Variants in SLC25A21 observed in about 807,000 individuals in gnomAD.
The protein encoded by SLC25A21 is mitochondrial 2-oxodicarboxylate carrier.
Under a neutral mutation model 43.8 loss-of-function variants are expected in SLC25A21, and 47 were observed. That is an observed-to-expected ratio of 1.07 (90% CI 0.85 to 1.37). SLC25A21 has a LOEUF of 1.37. SLC25A21 is among the 40% of genes most tolerant of loss of function. The pLI is 0.00. For missense variants in SLC25A21, 352 were observed against 350.2 expected, an observed-to-expected ratio of 1.00 and a Z score of -0.04; for synonymous variants, 131 against 121.3, an observed-to-expected ratio of 1.08 and a Z score of -0.52.
At chr14:36,903,536 C>T (rs1350608673) in intron 1 of SLC25A21, among the ~76,000 whole-genome samples, 1 of 138,080 alleles carries the variant, frequency 7.2e-6, no homozygotes, top group African/African-American at 2.7e-5. Flanking sequence ...TCGCTTGAAC[C>T]CAGGAGGTGG....
At chr14:36,903,813 C>A (rs1436261845) in intron 1 of SLC25A21, among the ~76,000 whole-genome samples, 1 of 152,064 alleles carries the variant, frequency 6.6e-6, no homozygotes, top group Non-Finnish European at 1.5e-5. Context: ...GAAGCCAGCT[C>A]CCTTGCTTCC....
chr14:36,971,006 A>G (rs1959736823), intron 1 of SLC25A21, among the ~76,000 whole-genome samples: 1 of 152,138 alleles, frequency 6.6e-6, no homozygotes, highest in Non-Finnish European at 1.5e-5. Context: ...GCTCATAGGG[A>G]CTCAAAGATT....
At chr14:36,681,050 G>T (rs979110302) in intron 9 of SLC25A21, among the ~76,000 whole-genome samples, 2 of 152,122 alleles carry the variant, frequency 1.3e-5, no homozygotes, top group Non-Finnish European at 2.9e-5. Context: ...TGGCTTTCCT[G>T]TGAACAGAAA....
intron 1 of SLC25A21, among the ~76,000 whole-genome samples, chr14:36,985,989 A>G (rs976798261): frequency 2.6e-5 from 4 of 152,078 alleles, no homozygotes; most frequent in Non-Finnish European, 5.9e-5. Context: ...ATTTAATATA[A>G]GACACTACAA....
chr14:36,774,350 T>C (rs1886740560), intron 3 of SLC25A21, among the ~76,000 whole-genome samples: 1 of 152,222 alleles, frequency 6.6e-6, no homozygotes, highest in Non-Finnish European at 1.5e-5. Context: ...TTCTGCAAAG[T>C]GCTTCAGCTT....
At chr14:36,936,261 G>A (rs976220633) in intron 1 of SLC25A21, among the ~76,000 whole-genome samples, 3 of 152,104 alleles carry the variant, frequency 2.0e-5, no homozygotes, top group Non-Finnish European at 4.4e-5. Flanking sequence ...TAAGGAATGG[G>A]CTTGACTGGA....
At chr14:36,792,165 G>C (rs1171186943) in intron 3 of SLC25A21, among the ~76,000 whole-genome samples, 2 of 152,184 alleles carry the variant, frequency 1.3e-5, no homozygotes, top group East Asian at 3.9e-4. Flanking sequence ...TGTATGATTA[G>C]AGGACTTAAA....
At chr14:36,742,025 T>C (rs569398520) in intron 3 of SLC25A21, among the ~76,000 whole-genome samples, 14 of 152,326 alleles carry the variant, frequency 9.2e-5, no homozygotes, top group Admixed American at 2.6e-4. Flanking sequence ...CTTTACAATT[T>C]GTTCTTCTTT....
intron 1 of SLC25A21, among the ~76,000 whole-genome samples, chr14:37,041,671 T>C (rs968300168): frequency 6.6e-6 from 1 of 152,188 alleles, no homozygotes; most frequent in African/African-American, 2.4e-5. Context: ...TATAGTAATG[T>C]GTCTAGAGCA....
chr14:36,899,853 G>T (rs956439301), intron 1 of SLC25A21, among the ~76,000 whole-genome samples: 3 of 152,134 alleles, frequency 2.0e-5, no homozygotes, highest in Admixed American at 6.5e-5. Context: ...GTTTTCTGGG[G>T]TGAACACATA....
At chr14:36,809,409 G>A (rs1224499503) in intron 3 of SLC25A21, among the ~76,000 whole-genome samples, 1 of 152,116 alleles carries the variant, frequency 6.6e-6, no homozygotes, top group Non-Finnish European at 1.5e-5. Context: ...AGTTTGGAAT[G>A]CCTCTCTTTT....
chr14:37,164,983 A>AGAAAAC (rs1278723905), intron 1 of SLC25A21, among the ~76,000 whole-genome samples: 1 of 152,262 alleles, frequency 6.6e-6, no homozygotes, highest in African/African-American at 2.4e-5. Flanking sequence ...ACTTGTTTCC[A>AGAAAAC]GAAAACTTTG....
At chr14:36,992,106 C>T (rs1209718405) in intron 1 of SLC25A21, among the ~76,000 whole-genome samples, 1 of 152,202 alleles carries the variant, frequency 6.6e-6, no homozygotes, top group African/African-American at 2.4e-5. Flanking sequence ...GAGCACTTTG[C>T]AACTTGCTGC....
chr14:37,118,884 C>G (rs1428395451), intron 1 of SLC25A21, among the ~76,000 whole-genome samples: 1 of 151,990 alleles, frequency 6.6e-6, no homozygotes, highest in Admixed American at 6.6e-5. Context: ...AGTCTGACAC[C>G]TACTGGGCTG....
chr14:36,833,062 T>C (rs545111126), intron 2 of SLC25A21, among the ~76,000 whole-genome samples: 1 of 152,298 alleles, frequency 6.6e-6, no homozygotes, highest in East Asian at 1.9e-4. Context: ...ATAAAGTGCA[T>C]AGCAAGCTAT....
At chr14:37,015,019 C>A (rs1399811980) in intron 1 of SLC25A21, among the ~76,000 whole-genome samples, 1 of 151,956 alleles carries the variant, frequency 6.6e-6, no homozygotes, top group Non-Finnish European at 1.5e-5. Flanking sequence ...TTATAGGGCA[C>A]AGCAGATTTG....
chr14:36,844,230 T>C (rs1207338650), intron 2 of SLC25A21, among the ~76,000 whole-genome samples: 1 of 152,214 alleles, frequency 6.6e-6, no homozygotes, highest in Non-Finnish European at 1.5e-5. Flanking sequence ...TTACTCAGCA[T>C]TCATTTTCTT....
chr14:36,760,389 A>AAGGAAGGAAGGAAGGC (rs1217482128), intron 3 of SLC25A21, among the ~76,000 whole-genome samples: 4 of 146,672 alleles, frequency 2.7e-5, no homozygotes, highest in African/African-American at 7.7e-5. Context: ...GGAAGGAAGG[A>AAGGAAGGAAGGAAGGC]AGGCAGGCCT....
chr14:37,069,208 T>G (rs1358480418), intron 1 of SLC25A21, among the ~76,000 whole-genome samples: 2 of 152,098 alleles, frequency 1.3e-5, no homozygotes, highest in Non-Finnish European at 2.9e-5. Context: ...GGTACTTCTC[T>G]TATTACTGTT....
Sources: gnomAD v4.1 joint callset for allele counts (sites outside exome capture counted in the v4.1 genomes callset) on GRCh38, gnomAD v4.1.1 for gene constraint, MANE v1.5 for transcripts, NCBI Gene and HGNC (gene_info 2026-07-23, HGNC 2026-07-21) for gene names.